Variants in TCF7 observed in about 807,000 individuals in gnomAD.
TCF7 encodes transcription factor 7.
A neutral mutation model predicts 46.8 loss-of-function variants in TCF7; 19 were observed. The observed-to-expected ratio is 0.41, with a 90% confidence interval of 0.28 to 0.60. The LOEUF is 0.60. Ranked by LOEUF, TCF7 falls within the 20% of genes least tolerant of loss-of-function variation. The pLI is 0.35. For missense variants in TCF7, 547 were observed against 504.6 expected (o/e 1.08, Z -0.81); for synonymous variants, 245 against 213.4 (o/e 1.15, Z -1.29).
chr5:134,120,126 C>G (rs1358518715), intron 3 of TCF7, among the ~76,000 whole-genome samples: 1 of 152,132 alleles, frequency 6.6e-6, no homozygotes, highest in Non-Finnish European at 1.5e-5. Flanking sequence ...CTGAAGGCCA[C>G]AGGGTGTCCA....
chr5:134,141,104 C>A (rs2149347533), intron 5 of TCF7: 1 of 290,458 alleles, frequency 3.4e-6, no homozygotes, highest in South Asian at 2.7e-5. Context: ...AGCAGAGCAC[C>A]ACAGAGGCCA....
At chr5:134,109,974 G>A (rs897848292), upstream of TCF7, among the ~76,000 whole-genome samples, 2 of 152,170 alleles carry the variant, frequency 1.3e-5, no homozygotes, top group African/African-American at 4.8e-5. Context: ...GCCACTCCAC[G>A]TTTGCCTTCG....
intron 3 of TCF7, chr5:134,123,804 C>T (rs1171221461): frequency 2.2e-6 from 1 of 456,168 alleles, no homozygotes; most frequent in East Asian, 7.0e-5. Flanking sequence ...TTGGACATGG[C>T]GGACAAAGGC....
intron 3 of TCF7, among the ~76,000 whole-genome samples, chr5:134,131,460 C>G (rs529793256): frequency 6.6e-6 from 1 of 152,224 alleles, no homozygotes; most frequent in African/African-American, 2.4e-5. Context: ...TAGCACAAGG[C>G]TCAAGGTGGA....
At chr5:134,128,275 G>A (rs1031437134) in intron 3 of TCF7, among the ~76,000 whole-genome samples, 1 of 152,142 alleles carries the variant, frequency 6.6e-6, no homozygotes, top group Non-Finnish European at 1.5e-5. Context: ...GGGCAGTTTT[G>A]TGTGACCCTC....
chr5:134,123,552 G>C (rs1425047418), intron 3 of TCF7: 1 of 398,856 alleles, frequency 2.5e-6, no homozygotes, highest in African/African-American at 2.1e-5. Flanking sequence ...AACACTCTGG[G>C]TGGGGGCCCC....
chr5:134,146,956 CAT>C lies in TCF7; in HGVS notation c.*654_*655del, dbSNP rs1387941315. 1 of 188,696 alleles carries C rather than the reference CAT, an allele frequency of 5.3e-6. No homozygotes were observed. Among genetic ancestry groups the C allele is most frequent in the Non-Finnish European group, 1.1e-5 (1 of 92,948 alleles). 11.7% of individuals were successfully genotyped at this position (188,696 alleles called of 1,614,324 possible). A position where few individuals can be genotyped will look rare whatever the true frequency, so the allele number is the denominator to read the frequency against. ...AAGAATGAGCTGGTTTGTCAAACAACATGTGAGCATGGTCACAAGCACAAAGC... is the reference window on the plus strand; with the variant it reads ...AAGAATGAGCTGGTTTGTCAAACAACGTGAGCATGGTCACAAGCACAAAGC... On this transcript the variant is annotated 3_prime_UTR_variant, in exon 10 of 10. Transcript: ENST00000342854.
At chr5:134,144,812 A>G in intron 9 of TCF7, 2 of 1,614,202 alleles carry the variant, frequency 1.2e-6, no homozygotes. Flanking sequence ...GGCTCGCCTA[A>G]GAAATGCCGT....
intron 9 of TCF7, chr5:134,145,787 A>G (rs756397437): frequency 6.2e-7 from 1 of 1,613,928 alleles, no homozygotes; most frequent in South Asian, 1.1e-5. Context: ...GACAAGAGTC[A>G]CTGTCCATGT....
At position 134,146,563 on chromosome 5, in the gene TCF7, G is replaced by C; in HGVS notation, c.*260G>C. On this transcript the variant is annotated 3_prime_UTR_variant, in exon 10 of 10. Transcript: ENST00000342854. Reference sequence around the variant, plus strand: ...GGCCGCCTCCAGGAGCCTACCCCCTGAAAGTGACAGAGACCCAGATCTCAT... The same window carrying C: ...GGCCGCCTCCAGGAGCCTACCCCCTCAAAGTGACAGAGACCCAGATCTCAT... 1.4e-6 allele frequency: 1 copy of C among 708,616 alleles called. No homozygotes were observed. 43.9% of individuals were successfully genotyped at this position (708,616 alleles called of 1,614,324 possible).
chr5:134,135,368 G>C (rs1168172231), intron 3 of TCF7, among the ~76,000 whole-genome samples: 1 of 152,194 alleles, frequency 6.6e-6, no homozygotes, highest in Admixed American at 6.5e-5. Flanking sequence ...ATTGAGGACT[G>C]GCGGAGGGGC....
At chr5:134,136,581 G>A (rs1460211975) in intron 3 of TCF7, among the ~76,000 whole-genome samples, 1 of 152,152 alleles carries the variant, frequency 6.6e-6, no homozygotes, top group Admixed American at 6.5e-5. Flanking sequence ...CCAGCTGGGA[G>A]CTTCATGTCT....
chr5:134,111,796 G>A (rs1755334542), upstream of TCF7, among the ~76,000 whole-genome samples: 1 of 152,154 alleles, frequency 6.6e-6, no homozygotes. Flanking sequence ...ACTAGAGTGT[G>A]ATAGTTAGGA....
chr5:134,138,199 C>T, intron 4 of TCF7, 35 bp downstream of exon 4: 4 of 1,592,814 alleles, frequency 2.5e-6, no homozygotes, highest in Non-Finnish European at 3.4e-6. Flanking sequence ...CCCAGTGAAA[C>T]CAGAGCCTAA....
chr5:134,138,409 C>T (rs926200807), intron 4 of TCF7, among the ~76,000 whole-genome samples: 10 of 152,310 alleles, frequency 6.6e-5, no homozygotes, highest in South Asian at 4.1e-4. Flanking sequence ...TGGGTGACCC[C>T]GCTGCCAGTA....
chr5:134,141,089 C>A, intron 5 of TCF7: 1 of 298,504 alleles, frequency 3.4e-6, no homozygotes. Context: ...TGGGCCACAC[C>A]GTGCAGCAGA....
upstream of TCF7, among the ~76,000 whole-genome samples, chr5:134,111,777 T>C (rs1755333198): frequency 1.3e-5 from 2 of 152,178 alleles, no homozygotes; most frequent in Non-Finnish European, 2.9e-5. Flanking sequence ...TGGAATTTTA[T>C]AATGGAACAC....
At chr5:134,116,213 G>C in intron 3 of TCF7, 180 bp downstream of exon 3, 1 of 1,340,846 alleles carries the variant, frequency 7.5e-7, no homozygotes, top group Non-Finnish European at 9.7e-7. Context: ...AAGGAAGGAG[G>C]GGCCGCCCTG....
chr5:134,139,406 G>C, intron 5 of TCF7: 1 of 220,252 alleles, frequency 4.5e-6, no homozygotes, highest in Non-Finnish European at 9.2e-6. Context: ...AGCAGGGAGG[G>C]GACAGCATGA....
Sources: allele counts gnomAD v4.1 joint callset (sites outside exome capture counted in the v4.1 genomes callset), GRCh38; gene constraint gnomAD v4.1.1; transcripts MANE v1.5; gene names NCBI Gene and HGNC (gene_info 2026-07-23, HGNC 2026-07-21).